Variants in SUMF1 observed in about 807,000 individuals in gnomAD.
The protein encoded by SUMF1 is formylglycine-generating enzyme.
SUMF1 carries 48 observed loss-of-function variants against 47.6 expected under a neutral mutation model. The ratio of observed to expected loss-of-function variants is 1.01; its 90% CI spans 0.80 to 1.28. The LOEUF is 1.28. SUMF1 is among the 50% of genes most tolerant of loss of function. The pLI, the probability that SUMF1 is intolerant of heterozygous loss-of-function variation, is 0.00. For missense variants in SUMF1, 571 were observed against 485.4 expected, an observed-to-expected ratio of 1.18 and a Z score of -1.66; for synonymous variants, 230 against 192.1, an observed-to-expected ratio of 1.20 and a Z score of -1.63.
At chr3:4,450,185 T>A (rs1377814845) in intron 2 of SUMF1, among the ~76,000 whole-genome samples, 2 of 152,194 alleles carry the variant, frequency 1.3e-5, no homozygotes, top group African/African-American at 4.8e-5. Context: ...TCAAGGAGTC[T>A]GTGTGTGTAA....
chr3:4,294,462 G>A (rs889830651), intron 8 of SUMF1, among the ~76,000 whole-genome samples: 5 of 152,122 alleles, frequency 3.3e-5, no homozygotes, highest in Admixed American at 6.6e-5. Context: ...TGCAAAGGAC[G>A]CTGAGGCAGG....
In SUMF1 at chr3:4,433,011, A is replaced by C. The variant is rs1011942225; in HGVS notation, c.520-12865T>G. Among the ~76,000 whole-genome samples the C allele has an allele frequency of 5.9e-5, 9 of 152,086 alleles. No homozygotes were observed. The East Asian group carries it at 1.7e-3, about 29-fold the overall frequency. Reference sequence around the variant, plus strand: ...ATCCTTTTGTGCCACTTCGTGGGCCATTGTTGCCTCATCTATAAGATTTTT... The same window carrying C: ...ATCCTTTTGTGCCACTTCGTGGGCCCTTGTTGCCTCATCTATAAGATTTTT... On this transcript the variant is annotated intron_variant, in intron 3 of 8. Coordinates refer to ENST00000272902, the MANE Select transcript of SUMF1 (RefSeq NM_182760.4).
intron 8 of SUMF1, among the ~76,000 whole-genome samples, chr3:4,135,200 T>C (rs1243178987): frequency 6.6e-6 from 1 of 152,158 alleles, no homozygotes; most frequent in East Asian, 1.9e-4. Flanking sequence ...ATATCCTTGA[T>C]GAATATTGAT....
chr3:4,236,285 T>C (rs1043121001), intron 8 of SUMF1, among the ~76,000 whole-genome samples: 3 of 152,098 alleles, frequency 2.0e-5, no homozygotes, highest in Non-Finnish European at 4.4e-5. Context: ...GAGCTAACTT[T>C]CTCATATTCA....
intron 8 of SUMF1, among the ~76,000 whole-genome samples, chr3:4,309,675 A>AG (rs1219450401): frequency 6.6e-6 from 1 of 152,188 alleles, no homozygotes; most frequent in Non-Finnish European, 1.5e-5. Context: ...CACACTCAGT[A>AG]GGCCTCATCT....
At chr3:4,050,118 G>A (rs967524137) in intron 9 of SUMF1, among the ~76,000 whole-genome samples, 5 of 151,978 alleles carry the variant, frequency 3.3e-5, no homozygotes, top group African/African-American at 1.2e-4. Flanking sequence ...GATAGGGGCT[G>A]TGGTGAGCCA....
chr3:4,262,756 T>C (rs1340511416), intron 8 of SUMF1, among the ~76,000 whole-genome samples: 1 of 152,154 alleles, frequency 6.6e-6, no homozygotes, highest in Non-Finnish European at 1.5e-5. Flanking sequence ...CCAATCACCA[T>C]AGCCAGGGTG....
chr3:4,166,189 C>T (rs557289509), intron 8 of SUMF1, among the ~76,000 whole-genome samples: 2 of 152,180 alleles, frequency 1.3e-5, no homozygotes, highest in African/African-American at 4.8e-5. Context: ...TTCTCAAAAC[C>T]TGTTAGAGTC....
chr3:4,213,922 G>C (rs1559573484), intron 8 of SUMF1, among the ~76,000 whole-genome samples: 4 of 152,124 alleles, frequency 2.6e-5, no homozygotes, highest in Admixed American at 2.6e-4. Flanking sequence ...AGTTCTTAGA[G>C]ACCTACAAAG....
At chr3:4,387,632 T>C (rs1700716721) in intron 7 of SUMF1, among the ~76,000 whole-genome samples, 1 of 152,018 alleles carries the variant, frequency 6.6e-6, no homozygotes, top group Non-Finnish European at 1.5e-5. Flanking sequence ...TGCTTTGGGT[T>C]TAGTTTTCTC....
chr3:4,082,984 T>A (rs1692599113), intron 8 of SUMF1, among the ~76,000 whole-genome samples: 1 of 152,072 alleles, frequency 6.6e-6, no homozygotes, highest in African/African-American at 2.4e-5. Context: ...TATTTAAAAG[T>A]TCCTCCTCCA....
chr3:4,275,792 G>A (rs1174495688), intron 8 of SUMF1, among the ~76,000 whole-genome samples: 1 of 152,158 alleles, frequency 6.6e-6, no homozygotes, highest in Non-Finnish European at 1.5e-5. Context: ...GGACACTATT[G>A]CTGAAGTCAG....
chr3:4,104,088 C>A (rs1693100618), intron 8 of SUMF1, among the ~76,000 whole-genome samples: 1 of 152,280 alleles, frequency 6.6e-6, no homozygotes, highest in Non-Finnish European at 1.5e-5. Flanking sequence ...CCACCCAAAT[C>A]TCATCTTGAA....
At chr3:4,415,956 T>C (rs1034941319) in intron 6 of SUMF1, among the ~76,000 whole-genome samples, 2 of 152,222 alleles carry the variant, frequency 1.3e-5, no homozygotes, top group African/African-American at 4.8e-5. Context: ...GCTGCTGCCT[T>C]GGTCTTAGAC....
intron 1 of SUMF1, 84 bp from the exon 2 acceptor site, chr3:4,453,133 A>T: frequency 7.2e-7 from 1 of 1,397,404 alleles, no homozygotes; most frequent in Non-Finnish European, 9.8e-7. Context: ...GCACCCAGGA[A>T]GCACGCAAGT....
chr3:4,145,199 A>C (rs989102053), intron 8 of SUMF1, among the ~76,000 whole-genome samples: 12 of 151,212 alleles, frequency 7.9e-5, no homozygotes, highest in African/African-American at 2.9e-4. Context: ...TCTAAAAAAA[A>C]AAAAAAAAAA....
intron 8 of SUMF1, among the ~76,000 whole-genome samples, chr3:4,300,823 G>C (rs1697947737): frequency 6.6e-6 from 1 of 152,004 alleles, no homozygotes; most frequent in Non-Finnish European, 1.5e-5. Context: ...ACCAAAACTG[G>C]AACTCAGAGT....
At chr3:4,080,603 T>C (rs1426140752) in intron 8 of SUMF1, among the ~76,000 whole-genome samples, 2 of 152,244 alleles carry the variant, frequency 1.3e-5, no homozygotes, top group African/African-American at 2.4e-5. Context: ...CCAAACAATG[T>C]TCTAAAAAGG....
rs560466925 is a variant in SUMF1, at chr3:4,446,705, G to C, written c.519+2561C>G. On this transcript the variant is annotated intron_variant, in intron 3 of 8. Coordinates refer to ENST00000272902, the MANE Select transcript of SUMF1 (RefSeq NM_182760.4). ...CACCTGGGGATCCAGCTACCAACTT[G>C]CAGGAAATACAGAGGACAGAGAGAA... Among the ~76,000 whole-genome samples the C allele has an allele frequency of 1.4e-4, 22 of 152,302 alleles. No homozygotes were observed. The South Asian group carries it at 4.6e-3, about 32-fold the overall frequency.
Sources: allele counts gnomAD v4.1 joint callset (sites outside exome capture counted in the v4.1 genomes callset), GRCh38; gene constraint gnomAD v4.1.1; transcripts MANE v1.5; gene names NCBI Gene and HGNC (gene_info 2026-07-23, HGNC 2026-07-21).